ACADSB: variants seen among roughly 807,000 people sequenced by gnomAD.
ACADSB encodes the protein acyl-CoA dehydrogenase short/branched chain.
A neutral mutation model predicts 54.1 loss-of-function variants in ACADSB; 40 were observed. The ratio of observed to expected loss-of-function variants is 0.74; its 90% CI spans 0.57 to 0.96. The LOEUF is 0.96. Among genes scored for constraint, ACADSB ranks in the 40% least tolerant of loss-of-function variants. The pLI is 0.00. For missense variants in ACADSB, 530 were observed against 510.4 expected, an observed-to-expected ratio of 1.04 and a Z score of -0.37; for synonymous variants, 182 against 182.8, an observed-to-expected ratio of 1.00 and a Z score of 0.03.
chr10:123,053,120 A>C lies in ACADSB; in HGVS notation c.1188A>C (p.Lys396Asn). ...GGATGGGGGGAGTAGGCTACACCAA[A>C]GATTACCCTGTGGAGAAATACTTCC... is the stretch of plus-strand genomic sequence containing the variant. ...IEWMGGVGYT[K>N]DYPVEKYFRD... The change falls in exon 10 of 11, where the codon AAA (lysine) becomes AAC (asparagine). Residue 396 changes from lysine to asparagine, a missense_variant. Lys to Asn is a moderately conservative substitution (Grantham distance 94). Coordinates refer to ENST00000358776, the MANE Select transcript of ACADSB (RefSeq NM_001609.4). 1 of 1,614,082 alleles carries C rather than the reference A, an allele frequency of 6.2e-7. No homozygotes were observed. The highest frequency in any genetic ancestry group is 1.1e-5 in the South Asian group (1 of 91,078).
chr10:123,032,134 C>T (rs936762012), intron 1 of ACADSB, among the ~76,000 whole-genome samples: 5 of 151,952 alleles, frequency 3.3e-5, no homozygotes, highest in East Asian at 1.9e-4. Flanking sequence ...TGCCTGCCAC[C>T]GCACCTAGCT....
intron 1 of ACADSB, among the ~76,000 whole-genome samples, chr10:123,016,421 A>G (rs1412060576): frequency 6.6e-6 from 1 of 152,262 alleles, no homozygotes; most frequent in Non-Finnish European, 1.5e-5. Flanking sequence ...AACACTCAGC[A>G]GTCCATGAGT....
In ACADSB at chr10:123,034,481, A is replaced by T. The variant is rs34221067; in HGVS notation, c.168A>T (p.Thr56=). The change falls in exon 2 of 11, where the codon ACA becomes ACT. Residue 56 remains threonine (T), a synonymous_variant. Coordinates refer to ENST00000358776, the MANE Select transcript of ACADSB (RefSeq NM_001609.4). ...GAATACACTTTGCTCCCCTGCAAAC[A>T]TTTACAGATGAGGAAATGATGATAA... ...NNGIHFAPLQ[T]FTDEEMMIKS... The T allele has an allele frequency of 6.2e-7, 1 of 1,611,754 alleles. No homozygotes were observed. The highest frequency in any genetic ancestry group is 2.2e-5 in the East Asian group (1 of 44,872).
intron 1 of ACADSB, among the ~76,000 whole-genome samples, chr10:123,012,179 C>T (rs764361710): frequency 7.2e-5 from 11 of 152,342 alleles, no homozygotes; most frequent in South Asian, 4.1e-4. Flanking sequence ...ATATCCTTGA[C>T]GTGAATTCTT....
chr10:123,042,589 G>C (rs1245134418), intron 5 of ACADSB, among the ~76,000 whole-genome samples: 1 of 149,540 alleles, frequency 6.7e-6, no homozygotes, highest in African/African-American at 2.5e-5. Flanking sequence ...GCCTCCTGAC[G>C]GGTGCCTGCC....
chr10:123,012,472 G>A (rs999931342), intron 1 of ACADSB, among the ~76,000 whole-genome samples: 4 of 152,204 alleles, frequency 2.6e-5, no homozygotes. Context: ...CTGACTTCAA[G>A]AATGAAGCCA....
chr10:123,046,639 T>C (rs1160829924), intron 7 of ACADSB, among the ~76,000 whole-genome samples: 1 of 152,222 alleles, frequency 6.6e-6, no homozygotes, highest in Non-Finnish European at 1.5e-5. Flanking sequence ...AGTATTGTTT[T>C]AAATCAGATT....
chr10:123,029,935 C>T (rs9423320), intron 1 of ACADSB, among the ~76,000 whole-genome samples: 2,419 of 152,260 alleles, frequency 0.016, 56 homozygotes, highest in East Asian at 0.12. Context: ...TTCACAGGTT[C>T]GGTTGTCTGG....
chr10:123,023,093 C>T (rs1040166618), intron 1 of ACADSB, among the ~76,000 whole-genome samples: 6 of 152,054 alleles, frequency 3.9e-5, no homozygotes, highest in African/African-American at 9.7e-5. Flanking sequence ...ATATTTTTAC[C>T]GATAACTCAG....
In ACADSB at chr10:123,044,421, T is replaced by A. The variant is rs1244062860; in HGVS notation, c.836T>A (p.Ile279Asn). 6.2e-7 allele frequency: 1 copy of A among 1,613,848 alleles called. No individual in the cohort carries two copies. Among genetic ancestry groups the A allele is most frequent in the South Asian group, 1.1e-5 (1 of 91,070 alleles). ...CCAGAAGCCAATATCTTGGGACAAA[T>A]TGGACATGGCTATAAGTATGCCATA... ...KVPEANILGQ[I>N]GHGYKYAIGS... Residue 279 changes from isoleucine (I) to asparagine (N), a missense_variant, in exon 7 of 11, where the codon ATT (isoleucine) becomes AAT (asparagine). Physicochemically the swap from Ile to Asn is moderately radical, Grantham distance 149. Coordinates refer to ENST00000358776, the MANE Select transcript of ACADSB (RefSeq NM_001609.4).
At chr10:123,018,242 T>C (rs1427589542) in intron 1 of ACADSB, among the ~76,000 whole-genome samples, 2 of 152,162 alleles carry the variant, frequency 1.3e-5, no homozygotes, top group African/African-American at 4.8e-5. Context: ...TAGAAGTGAG[T>C]GTCTGGTTTC....
At position 123,048,652 on chromosome 10, in the gene ACADSB, A is replaced by T. The variant is rs149031964; in HGVS notation, c.990+1354A>T. 4.9e-3 allele frequency among the ~76,000 whole-genome samples: 745 copies of T among 152,306 alleles called. 3 individuals carry two copies. The highest frequency in any genetic ancestry group is 0.017 in the African/African-American group (709 of 41,568). On this transcript the variant is annotated intron_variant, in intron 8 of 10. Transcript: ENST00000358776. ...TACTAACAGGTATAATCATAATGAC[A>T]TCTTTAGAGATGCCTAGTATGGATA...
chr10:123,045,215 G>A (rs1432145792), intron 7 of ACADSB, among the ~76,000 whole-genome samples: 1 of 94,328 alleles, frequency 1.1e-5, no homozygotes, highest in Admixed American at 1.7e-4. Flanking sequence ...GTCTTGCTCT[G>A]TTGCCCAGGC....
chr10:123,043,031 A>G lies in ACADSB; in HGVS notation c.682-15A>G. The G allele has an allele frequency of 1.9e-6, 3 of 1,612,650 alleles. No individual in the cohort carries two copies. The highest frequency in any genetic ancestry group is 1.3e-5 in the African/African-American group (1 of 75,008). On this transcript the variant is annotated splice_polypyrimidine_tract_variant and intron_variant, in intron 5 of 10. Transcript: ENST00000358776. ...TAAATCCAAGTGGTAATAGCGTTTT[A>G]ATTCTTCTTTTTAGGGATATAAGGG...
intron 3 of ACADSB, 49 bp from the exon 4 acceptor site, chr10:123,040,417 C>A: frequency 1.4e-6 from 2 of 1,471,332 alleles, no homozygotes; most frequent in Non-Finnish European, 1.9e-6. Flanking sequence ...AGAAATTTCC[C>A]CATATAAAAA....
Position 123,052,452 on chromosome 10 carries a change from C to T in ACADSB, c.1129-609C>T, listed in dbSNP as rs534447552. On this transcript the variant is annotated intron_variant, in intron 9 of 10. Transcript: ENST00000358776. This position sits in a 1 kb window ranked among gnomAD's most constrained non-coding sequence, Gnocchi z 4.2. ...TCCATGACTAACTCTCCTGCCTCCT[C>T]CTTTTCCTTATAAGGATCCCTGTGA... 3.8e-4 allele frequency among the ~76,000 whole-genome samples: 58 copies of T among 152,336 alleles called. No homozygotes were observed. The Middle Eastern group carries it at 0.014, about 36-fold the overall frequency.
intron 4 of ACADSB, 112 bp downstream of exon 4, chr10:123,040,784 G>C (rs564501341): frequency 1.0e-6 from 1 of 991,378 alleles, no homozygotes; most frequent in East Asian, 2.6e-5. Flanking sequence ...CCACAATGCG[G>C]TATCATTAAT....
Position 123,052,161 on chromosome 10 carries a change from G to A in ACADSB, c.1129-900G>A, listed in dbSNP as rs1251114017. Among the ~76,000 whole-genome samples, 2 of 152,114 alleles carry A rather than the reference G, an allele frequency of 1.3e-5. No individual in the cohort carries two copies. Among genetic ancestry groups the A allele is most frequent in the African/African-American group, 4.8e-5 (2 of 41,410 alleles). On this transcript the variant is annotated intron_variant, in intron 9 of 10. Coordinates refer to ENST00000358776, the MANE Select transcript of ACADSB (RefSeq NM_001609.4). The surrounding 1 kb of genome is among the most constrained non-coding windows in gnomAD (Gnocchi z 4.2). ...GCTCTATCTGTACTAGATTCCAATT[G>A]CTGCTATAACAAATTACCAAAAAGT...
At position 123,052,865 on chromosome 10, in the gene ACADSB, T is replaced by G. The variant is rs1850650285; in HGVS notation, c.1129-196T>G. ...CTCTAATTTCTTAAGAAAATGGGGATTCTGTGAATTAATAGGATGTTTTAC... is the reference window on the plus strand; with the variant it reads ...CTCTAATTTCTTAAGAAAATGGGGAGTCTGTGAATTAATAGGATGTTTTAC... On this transcript the variant is annotated intron_variant, in intron 9 of 10. Coordinates refer to ENST00000358776, the MANE Select transcript of ACADSB (RefSeq NM_001609.4). The surrounding 1 kb of genome is among the most constrained non-coding windows in gnomAD (Gnocchi z 4.2). 4 of 622,912 alleles carry G rather than the reference T, an allele frequency of 6.4e-6. No individual in the cohort carries two copies. Among genetic ancestry groups the G allele is most frequent in the Non-Finnish European group, 1.2e-5 (4 of 342,962 alleles). 38.6% of individuals were successfully genotyped at this position (622,912 alleles called of 1,614,324 possible). A position where few individuals can be genotyped will look rare whatever the true frequency, so the allele number is the denominator to read the frequency against.
Sources: allele counts gnomAD v4.1 joint callset (sites outside exome capture counted in the v4.1 genomes callset), GRCh38; gene constraint gnomAD v4.1.1; non-coding constraint Gnocchi (gnomAD v3.1); transcripts MANE v1.5; gene names NCBI Gene and HGNC (gene_info 2026-07-23, HGNC 2026-07-21).